The following KDM4B variants were observed in gnomAD, a reference collection of about 807,000 sequenced individuals.
KDM4B encodes lysine-specific demethylase 4B.
A neutral mutation model predicts 125.2 loss-of-function variants in KDM4B; 32 were observed. The observed-to-expected ratio is 0.26, with a 90% CI of 0.19 to 0.34. The LOEUF (loss-of-function observed/expected upper bound fraction) is 0.34, where lower values mean the gene tolerates loss of function less well. KDM4B is among the 10% of genes least tolerant of loss of function. KDM4B has a pLI of 1.00. For missense variants in KDM4B, 1,190 were observed against 1,577.7 expected, an observed-to-expected ratio of 0.75 and a Z score of 4.16; for synonymous variants, 721 against 677.9, an observed-to-expected ratio of 1.06 and a Z score of -0.99.
Position 5,137,311 on chromosome 19 carries a change from C to T in KDM4B, c.2358C>T (p.Ser786=). 1.9e-6 allele frequency: 3 copies of T among 1,579,068 alleles called. No individual in the cohort carries two copies. Among genetic ancestry groups the T allele is most frequent in the Non-Finnish European group, 2.6e-6 (3 of 1,162,732 alleles). The change falls in exon 16 of 23, where the codon TCC becomes TCT. Residue 786 remains serine, a synonymous_variant. Coordinates refer to ENST00000159111, the MANE Select transcript of KDM4B (RefSeq NM_015015.3). ...TGGTCAATGAAGGCTGGACGTGTTC[C>T]CGGTGCGCGGCCCACGCCTGGACTG... ...PELVNEGWTC[S]RCAAHAWTAE...
At chr19:5,116,235 T>TTAA (rs1375772161) in intron 10 of KDM4B, among the ~76,000 whole-genome samples, 1 of 40,382 alleles carries the variant, frequency 2.5e-5, no homozygotes, top group African/African-American at 7.9e-5. Flanking sequence ...ACCACATCTC[T>TTAA]AAAAAAAAAA....
In KDM4B at chr19:5,101,692, A is replaced by G. The variant is rs1203422465; in HGVS notation, c.919-8930A>G. Reference sequence around the variant, plus strand: ...GCAGGGGAAGGGCGGGGAGGGCCTCACTTGTTGCTTTTCCTGGGGAGATCC... The same window carrying G: ...GCAGGGGAAGGGCGGGGAGGGCCTCGCTTGTTGCTTTTCCTGGGGAGATCC... On this transcript the variant is annotated intron_variant, in intron 9 of 22. Coordinates refer to ENST00000159111, the MANE Select transcript of KDM4B (RefSeq NM_015015.3). Among the ~76,000 whole-genome samples, 3 of 150,318 alleles carry G rather than the reference A, an allele frequency of 2.0e-5. No homozygotes were observed. In the East Asian group the frequency reaches 5.9e-4, roughly 30 times the overall value.
chr19:5,106,592 TG>T (rs1230051381), intron 9 of KDM4B, among the ~76,000 whole-genome samples: 5 of 152,174 alleles, frequency 3.3e-5, no homozygotes, highest in African/African-American at 1.2e-4. Flanking sequence ...TCACTAGCTT[TG>T]GGCAGCGCGT....
At chr19:5,084,737 C>T (rs2038433304) in intron 9 of KDM4B, among the ~76,000 whole-genome samples, 1 of 150,640 alleles carries the variant, frequency 6.6e-6, no homozygotes, top group African/African-American at 2.4e-5. Flanking sequence ...TCTCTTGAGC[C>T]CAGGAGGTCA....
At chr19:5,090,493 CCCCTCTCG>C (rs1445829133) in intron 9 of KDM4B, among the ~76,000 whole-genome samples, 34 of 51,804 alleles carry the variant, frequency 6.6e-4, no homozygotes, top group Non-Finnish European at 1.2e-3. Flanking sequence ...TCTTTCTCTC[CCCCTCTCG>C]CCCCCTCTCT....
chr19:5,030,377 G>A (rs2036413015), intron 2 of KDM4B, among the ~76,000 whole-genome samples: 1 of 152,226 alleles, frequency 6.6e-6, no homozygotes. Context: ...ACATGAGAGT[G>A]TGGCAGGCCC....
Position 5,144,874 on chromosome 19 carries a change from T to C in KDM4B, c.2993T>C (p.Ile998Thr), listed in dbSNP as rs750344242. The change falls in exon 21 of 23, where the codon ATC becomes ACC. Residue 998 changes from isoleucine to threonine, a missense_variant. Ile to Thr is a moderately conservative substitution (Grantham distance 89). Transcript: ENST00000159111. ...GGCAACCTCTACAAGGCCAAGTTCA[T>C]CTCCTCCGTCACCAGCCACATCTAC... Reference protein sequence around the residue: ...TDGNLYKAKFISSVTSHIYQV... With the variant: ...TDGNLYKAKFTSSVTSHIYQV... The C allele has an allele frequency of 6.2e-7, 1 of 1,612,626 alleles. No individual in the cohort carries two copies. Among genetic ancestry groups the C allele is most frequent in the South Asian group, 1.1e-5 (1 of 90,944 alleles).
At chr19:5,049,208 A>T (rs1198761513) in intron 6 of KDM4B, among the ~76,000 whole-genome samples, 4 of 152,096 alleles carry the variant, frequency 2.6e-5, no homozygotes, top group Non-Finnish European at 5.9e-5. Flanking sequence ...ATGCGCCAGG[A>T]GCCGAGGGCC....
chr19:5,108,855 G>A (rs929864201), intron 9 of KDM4B, among the ~76,000 whole-genome samples: 13 of 152,116 alleles, frequency 8.5e-5, no homozygotes, highest in Admixed American at 5.9e-4. Flanking sequence ...CCCTGGGCCC[G>A]CCTCTCCCCA....
intron 9 of KDM4B, among the ~76,000 whole-genome samples, chr19:5,085,926 A>G (rs560221358): frequency 8.0e-4 from 122 of 152,182 alleles, no homozygotes; most frequent in Admixed American, 5.2e-4. Context: ...GTTAGAAGGC[A>G]GGGAAACGGC....
chr19:5,055,666 T>C (rs556841254), intron 6 of KDM4B, among the ~76,000 whole-genome samples: 64 of 152,070 alleles, frequency 4.2e-4, no homozygotes, highest in Non-Finnish European at 7.4e-4. Flanking sequence ...GTGGCCGTGA[T>C]GGGGACTGGG....
intron 18 of KDM4B, chr19:5,138,497 A>G (rs1352866189): frequency 5.9e-6 from 1 of 170,818 alleles, no homozygotes; most frequent in Non-Finnish European, 1.3e-5. Flanking sequence ...TATAAAAAAA[A>G]TAAAAAACAC....
intron 1 of KDM4B, among the ~76,000 whole-genome samples, chr19:4,978,936 A>T (rs546789333): frequency 2.0e-5 from 3 of 152,184 alleles, no homozygotes; most frequent in African/African-American, 7.2e-5. Flanking sequence ...CCAGATGACC[A>T]GTGTCTCCTG....
chr19:5,048,199 C>G (rs1312879067), intron 6 of KDM4B, among the ~76,000 whole-genome samples: 1 of 152,212 alleles, frequency 6.6e-6, no homozygotes, highest in African/African-American at 2.4e-5. Flanking sequence ...CCGGGAGGTG[C>G]CGGGTGCAGC....
chr19:5,150,723 G>C (rs964992119), intron 22 of KDM4B, among the ~76,000 whole-genome samples: 9 of 152,082 alleles, frequency 5.9e-5, no homozygotes, highest in Non-Finnish European at 1.0e-4. Context: ...CCCTTATCAC[G>C]AATGCAGAAC....
chr19:5,051,334 G>A (rs1376035831), intron 6 of KDM4B, among the ~76,000 whole-genome samples: 1 of 152,248 alleles, frequency 6.6e-6, no homozygotes, highest in African/African-American at 2.4e-5. Flanking sequence ...GTTCAGTCCT[G>A]TGCACCCATG....
intron 1 of KDM4B, among the ~76,000 whole-genome samples, chr19:5,008,231 A>AAT (rs2035620692): frequency 1.3e-5 from 2 of 152,220 alleles, no homozygotes; most frequent in African/African-American, 2.4e-5. Flanking sequence ...TTTGTGTGTG[A>AAT]ATATCCAGCT....
intron 6 of KDM4B, among the ~76,000 whole-genome samples, chr19:5,068,987 G>A (rs969790429): frequency 6.6e-6 from 1 of 152,202 alleles, no homozygotes; most frequent in East Asian, 1.9e-4. Flanking sequence ...CCCGTCCCCA[G>A]CATCTTCCCA....
chr19:5,113,532 G>A (rs2620855), intron 10 of KDM4B, among the ~76,000 whole-genome samples: 48,718 of 151,864 alleles, frequency 0.32, 8,038 homozygotes, highest in East Asian at 0.63. Context: ...CTTGGGGCCA[G>A]GGCAGCCCTG....
Sources: gnomAD v4.1 joint callset for allele counts (sites outside exome capture counted in the v4.1 genomes callset) on GRCh38, gnomAD v4.1.1 for gene constraint, MANE v1.5 for transcripts, NCBI Gene and HGNC (gene_info 2026-07-23, HGNC 2026-07-21) for gene names.